Variants in CAST observed in about 807,000 individuals in gnomAD.
The protein encoded by CAST is calpastatin.
CAST carries 76 observed loss-of-function variants against 119.6 expected under a neutral mutation model. That is an observed-to-expected ratio of 0.64 (90% CI 0.53 to 0.77). The LOEUF is 0.77. CAST is among the 30% of genes least tolerant of loss of function. The probability of loss-of-function intolerance (pLI) is 0.00; values close to 1 mark genes in which losing one functional copy is unlikely to be tolerated. For missense variants in CAST, 953 were observed against 946.5 expected (o/e 1.01, Z -0.09); for synonymous variants, 319 against 331.6 (o/e 0.96, Z 0.41).
chr5:96,645,585 G>T (rs1748004226), intron 1 of CAST, among the ~76,000 whole-genome samples: 1 of 151,790 alleles, frequency 6.6e-6, no homozygotes, highest in Admixed American at 6.6e-5. Context: ...TAAATTTTTG[G>T]ATTCTAATGG....
chr5:96,403,371 C>T, the CAST span, among the ~76,000 whole-genome samples: 2 of 152,092 alleles, frequency 1.3e-5, no homozygotes, highest in Non-Finnish European at 2.9e-5. Flanking sequence ...CCCGTTAACT[C>T]GTCATTTACA....
rs78442492 is a variant in CAST, at chr5:96,742,434, G to A, written c.1099-221G>A. ...AGGGGTGAAGTGTGCCCCAGAGAACGCTGTTACTGTAGAAACGTGTCTTAG... is the reference window on the plus strand; with the variant it reads ...AGGGGTGAAGTGTGCCCCAGAGAACACTGTTACTGTAGAAACGTGTCTTAG... On this transcript the variant is annotated intron_variant, in intron 15 of 31. Coordinates refer to ENST00000675179, the MANE Select transcript of CAST (RefSeq NM_001750.7). The A allele has an allele frequency of 3.4e-3, 1,710 of 509,080 alleles. 27 individuals are homozygous for A. Among genetic ancestry groups the A allele is most frequent in the East Asian group, 0.014 (420 of 30,594 alleles). 31.5% of individuals were successfully genotyped at this position (509,080 alleles called of 1,614,324 possible). A position where few individuals can be genotyped will look rare whatever the true frequency, so the allele number is the denominator to read the frequency against.
At chr5:96,329,831 T>C in the CAST span, among the ~76,000 whole-genome samples, 1 of 152,258 alleles carries the variant, frequency 6.6e-6, no homozygotes. Context: ...CAAGAAACTC[T>C]GCAAATATTC....
chr5:96,685,906 A>G (rs1752025590), intron 2 of CAST, among the ~76,000 whole-genome samples: 1 of 152,242 alleles, frequency 6.6e-6, no homozygotes, highest in African/African-American at 2.4e-5. Context: ...TGTGGAGTGC[A>G]TAGCATGGTG....
the CAST span, among the ~76,000 whole-genome samples, chr5:96,129,578 A>G: frequency 6.6e-6 from 1 of 152,158 alleles, no homozygotes; most frequent in Non-Finnish European, 1.5e-5. Flanking sequence ...GTTCAGTAAT[A>G]TGAGGAAATT....
the CAST span, among the ~76,000 whole-genome samples, chr5:96,161,375 G>A: frequency 3.3e-5 from 5 of 152,058 alleles, no homozygotes; most frequent in Non-Finnish European, 7.4e-5. Context: ...TTCCAGAACC[G>A]TTTGTTGAAA....
intron 1 of CAST, chr5:96,545,086 G>C (rs1160230024): frequency 6.6e-6 from 1 of 152,192 alleles, no homozygotes; most frequent in East Asian, 1.9e-4. Context: ...CAGGAAGTAA[G>C]CTGGGGCAAC....
At chr5:96,226,864 T>C in the CAST span, among the ~76,000 whole-genome samples, 1 of 152,174 alleles carries the variant, frequency 6.6e-6, no homozygotes, top group Admixed American at 6.5e-5. Flanking sequence ...GCATTTACAA[T>C]GTAACAGCTA....
chr5:96,703,783 C>T (rs1754375188), intron 3 of CAST, among the ~76,000 whole-genome samples: 1 of 152,176 alleles, frequency 6.6e-6, no homozygotes, highest in Admixed American at 6.5e-5. Flanking sequence ...ACATGTTTTT[C>T]AGAGGAAAAA....
At chr5:96,263,933 C>A in the CAST span, among the ~76,000 whole-genome samples, 2 of 152,138 alleles carry the variant, frequency 1.3e-5, no homozygotes, top group Non-Finnish European at 2.9e-5. Context: ...ATCATGAGAA[C>A]AGCATGGGAA....
chr5:96,569,013 C>A (rs560331238), intron 1 of CAST, among the ~76,000 whole-genome samples: 1 of 152,314 alleles, frequency 6.6e-6, no homozygotes, highest in East Asian at 1.9e-4. Flanking sequence ...CTTCTCTGGA[C>A]ATTGCCACTC....
the CAST span, among the ~76,000 whole-genome samples, chr5:96,221,519 AAAAAT>A: frequency 6.6e-6 from 1 of 152,140 alleles, no homozygotes; most frequent in Non-Finnish European, 1.5e-5. Context: ...ACAGCTGACA[AAAAAT>A]AAAATATCTA....
chr5:96,461,181 A>G, the CAST span, among the ~76,000 whole-genome samples: 3 of 152,280 alleles, frequency 2.0e-5, no homozygotes, highest in Admixed American at 6.5e-5. Context: ...ATGCTGTAGC[A>G]TATTTCATTA....
the CAST span, among the ~76,000 whole-genome samples, chr5:96,208,268 TA>T: frequency 2.0e-5 from 3 of 151,874 alleles, no homozygotes; most frequent in East Asian, 5.8e-4. Flanking sequence ...TCATTTCAAA[TA>T]GCCAACTTAT....
chr5:96,607,383 T>C (rs552720944), intron 1 of CAST, among the ~76,000 whole-genome samples: 1 of 152,358 alleles, frequency 6.6e-6, no homozygotes, highest in South Asian at 2.1e-4. Flanking sequence ...ACAGCACTTT[T>C]CACTTCATTC....
upstream of CAST, among the ~76,000 whole-genome samples, chr5:96,528,393 A>T (rs746748306): frequency 6.6e-6 from 1 of 152,182 alleles, no homozygotes; most frequent in Non-Finnish European, 1.5e-5. Context: ...CTCTCCAGGC[A>T]ACCATTGGCC....
At chr5:96,443,160 A>G in the CAST span, among the ~76,000 whole-genome samples, 4 of 152,188 alleles carry the variant, frequency 2.6e-5, no homozygotes, top group African/African-American at 9.6e-5. Context: ...GGTTCAGGTG[A>G]TCCTTTGCTC....
At chr5:96,337,551 C>T in the CAST span, among the ~76,000 whole-genome samples, 2 of 152,198 alleles carry the variant, frequency 1.3e-5, no homozygotes, top group East Asian at 1.9e-4. Context: ...GGAAACAAGA[C>T]GTCTGAATTC....
chr5:96,583,279 T>C (rs1746798746), intron 1 of CAST, among the ~76,000 whole-genome samples: 1 of 152,050 alleles, frequency 6.6e-6, no homozygotes, highest in African/African-American at 2.4e-5. Flanking sequence ...TGTATTTGAA[T>C]TGAATCTTTG....
Sources: gnomAD v4.1 joint callset for allele counts (sites outside exome capture counted in the v4.1 genomes callset) on GRCh38, gnomAD v4.1.1 for gene constraint, MANE v1.5 for transcripts, NCBI Gene and HGNC (gene_info 2026-07-23, HGNC 2026-07-21) for gene names.